Variants in KCNH7 observed in about 807,000 individuals in gnomAD.
KCNH7 encodes the protein voltage-gated inwardly rectifying potassium channel KCNH7.
KCNH7 carries 49 observed loss-of-function variants against 120.8 expected under a neutral mutation model. The observed-to-expected ratio is 0.41, with a 90% CI of 0.32 to 0.51. The LOEUF is 0.51. KCNH7 is among the 20% of genes least tolerant of loss of function. The pLI, the probability that KCNH7 is intolerant of heterozygous loss-of-function variation, is 0.38. For missense variants in KCNH7, 1,097 were observed against 1,446.6 expected (o/e 0.76, Z 3.92); for synonymous variants, 547 against 516.1 (o/e 1.06, Z -0.81).
intron 2 of KCNH7, among the ~76,000 whole-genome samples, chr2:162,727,623 C>T (rs1037018153): frequency 6.6e-6 from 1 of 152,308 alleles, no homozygotes; most frequent in Admixed American, 6.5e-5. Flanking sequence ...TCTATTCCCT[C>T]AGCAGGATGT....
chr2:162,783,675 ATG>A (rs1683591306), intron 2 of KCNH7, among the ~76,000 whole-genome samples: 1 of 152,220 alleles, frequency 6.6e-6, no homozygotes, highest in Admixed American at 6.5e-5. Flanking sequence ...AGGAAAGACA[ATG>A]TGAGACTAGA....
intron 4 of KCNH7, among the ~76,000 whole-genome samples, chr2:162,517,305 T>C (rs1167960321): frequency 1.3e-5 from 2 of 151,832 alleles, no homozygotes; most frequent in Non-Finnish European, 1.5e-5. Context: ...ACAGTTCCTA[T>C]GCTGCTCCCT....
chr2:162,497,941 C>T (rs181164937), intron 6 of KCNH7, among the ~76,000 whole-genome samples: 6 of 152,232 alleles, frequency 3.9e-5, no homozygotes, highest in Admixed American at 3.9e-4. Flanking sequence ...GCTCTAAAGT[C>T]TACATAGACT....
At chr2:162,541,561 C>A (rs1282004083) in intron 2 of KCNH7, among the ~76,000 whole-genome samples, 1 of 151,962 alleles carries the variant, frequency 6.6e-6, no homozygotes, top group Non-Finnish European at 1.5e-5. Flanking sequence ...GAGTTGGAAG[C>A]CATTATCCTC....
chr2:162,652,415 G>A (rs1421569078), intron 2 of KCNH7, among the ~76,000 whole-genome samples: 5 of 152,130 alleles, frequency 3.3e-5, no homozygotes, highest in African/African-American at 4.8e-5. Flanking sequence ...AGACTTGGAC[G>A]GGGTGGTGGA....
intron 2 of KCNH7, among the ~76,000 whole-genome samples, chr2:162,804,690 T>C (rs939414498): frequency 2.0e-5 from 3 of 150,664 alleles, no homozygotes; most frequent in East Asian, 1.9e-4. Context: ...ATCCACAGAG[T>C]CAATGCAATT....
Position 162,518,017 on chromosome 2 carries a change from G to C in KCNH7, c.605C>G (p.Ser202Cys). ...DDSVAMKHFK[S>C]PTKESCSPSE... The stretch of plus-strand genomic sequence containing the variant: ...GGGGCTGCAGCTTTCTTTTGTAGGA[G>C]ACTTAAAATGCTTCATGGCTACTGA... The change falls in exon 4 of 16, where the codon TCT becomes TGT. Residue 202 changes from serine (S) to cysteine (C), a missense_variant. By Grantham distance (112) the Ser-to-Cys change is moderately radical. Coordinates refer to ENST00000332142, the MANE Select transcript of KCNH7 (RefSeq NM_033272.4). 1 of 1,612,426 alleles carries C rather than the reference G, an allele frequency of 6.2e-7. No homozygotes were observed. Among genetic ancestry groups the C allele is most frequent in the Non-Finnish European group, 8.5e-7 (1 of 1,178,872 alleles).
chr2:162,665,553 C>T (rs1430411124), intron 2 of KCNH7, among the ~76,000 whole-genome samples: 4 of 152,028 alleles, frequency 2.6e-5, no homozygotes, highest in Non-Finnish European at 4.4e-5. Flanking sequence ...AGTTCTTTTT[C>T]TAATACCTCT....
At chr2:162,472,932 G>A (rs1230445672) in intron 6 of KCNH7, among the ~76,000 whole-genome samples, 2 of 152,148 alleles carry the variant, frequency 1.3e-5, no homozygotes, top group Admixed American at 6.5e-5. Context: ...GGACATGGAT[G>A]AAGCTGGAAA....
chr2:162,750,101 G>A (rs1386961844), intron 2 of KCNH7, among the ~76,000 whole-genome samples: 2 of 152,192 alleles, frequency 1.3e-5, no homozygotes, highest in East Asian at 3.9e-4. Flanking sequence ...AGGAGATAAG[G>A]ATGAAAACTT....
At chr2:162,570,573 A>G (rs1400518865) in intron 2 of KCNH7, among the ~76,000 whole-genome samples, 1 of 152,056 alleles carries the variant, frequency 6.6e-6, no homozygotes, top group Non-Finnish European at 1.5e-5. Context: ...TCCTGTCATT[A>G]TGATGTTAGC....
intron 2 of KCNH7, among the ~76,000 whole-genome samples, chr2:162,828,695 T>A (rs1007156846): frequency 6.6e-6 from 1 of 152,132 alleles, no homozygotes. Flanking sequence ...GGAAAGAAAG[T>A]GCAGGTAAGC....
At chr2:162,602,295 T>C (rs1350071937) in intron 2 of KCNH7, among the ~76,000 whole-genome samples, 1 of 152,002 alleles carries the variant, frequency 6.6e-6, no homozygotes, top group Admixed American at 6.6e-5. Flanking sequence ...AACTGGAAGG[T>C]TGTTTAACAA....
intron 3 of KCNH7, among the ~76,000 whole-genome samples, chr2:162,519,451 G>C (rs370251430): frequency 6.6e-6 from 1 of 151,746 alleles, no homozygotes; most frequent in Non-Finnish European, 1.5e-5. Context: ...TTGCATAAAA[G>C]CTTCAAACTT....
intron 2 of KCNH7, among the ~76,000 whole-genome samples, chr2:162,672,051 A>C (rs1685379127): frequency 6.6e-6 from 1 of 152,100 alleles, no homozygotes; most frequent in Non-Finnish European, 1.5e-5. Flanking sequence ...AATAAACATA[A>C]AGCAAAGATT....
intron 2 of KCNH7, among the ~76,000 whole-genome samples, chr2:162,769,917 G>T (rs1682977014): frequency 6.6e-6 from 1 of 152,024 alleles, no homozygotes; most frequent in Non-Finnish European, 1.5e-5. Context: ...GAACATAGGT[G>T]TATAATCATG....
chr2:162,454,088 T>C (rs916794265), intron 6 of KCNH7, among the ~76,000 whole-genome samples: 2 of 152,086 alleles, frequency 1.3e-5, no homozygotes, highest in Non-Finnish European at 2.9e-5. Flanking sequence ...ACAGTGTTGG[T>C]TTTTACATTT....
intron 2 of KCNH7, among the ~76,000 whole-genome samples, chr2:162,742,644 A>T (rs1688176489): frequency 6.6e-6 from 1 of 152,244 alleles, no homozygotes; most frequent in Admixed American, 6.5e-5. Context: ...TGTTTAAAAC[A>T]GTACAGATAT....
chr2:162,744,752 T>C (rs1055094722), intron 2 of KCNH7, among the ~76,000 whole-genome samples: 70 of 152,004 alleles, frequency 4.6e-4, no homozygotes, highest in African/African-American at 1.6e-3. Flanking sequence ...TTTTGTATTT[T>C]TTATTAGAGA....
Sources: gnomAD v4.1 joint callset for allele counts (sites outside exome capture counted in the v4.1 genomes callset) on GRCh38, gnomAD v4.1.1 for gene constraint, MANE v1.5 for transcripts, NCBI Gene and HGNC (gene_info 2026-07-23, HGNC 2026-07-21) for gene names.